Variants in STAG1 observed in about 807,000 individuals in gnomAD.
The protein encoded by STAG1 is STAG1 cohesin complex component, also known as cohesin subunit SA-1.
A neutral mutation model predicts 170.9 loss-of-function variants in STAG1; 26 were observed. The observed-to-expected ratio is 0.15, with a 90% CI of 0.11 to 0.21. The LOEUF (loss-of-function observed/expected upper bound fraction) is 0.21. Ranked by LOEUF, STAG1 falls within the 10% of genes least tolerant of loss-of-function variation. The pLI is 1.00. For missense variants in STAG1, 964 were observed against 1,509.5 expected (o/e 0.64, Z 5.99); for synonymous variants, 514 against 497.7 (o/e 1.03, Z -0.44).
At chr3:136,496,170 A>C (rs1378771012) in intron 9 of STAG1, among the ~76,000 whole-genome samples, 17 of 151,884 alleles carry the variant, frequency 1.1e-4, no homozygotes, top group East Asian at 1.9e-4. Context: ...AAACAAAAAA[A>C]CCCCCAAAAA....
chr3:136,365,865 T>C (rs1937054750), intron 25 of STAG1, among the ~76,000 whole-genome samples: 1 of 151,820 alleles, frequency 6.6e-6, no homozygotes, highest in Admixed American at 6.6e-5. Flanking sequence ...TCTTTTTGGA[T>C]TAAGTAGAGA....
chr3:136,735,864 G>A (rs1934304288), intron 1 of STAG1, among the ~76,000 whole-genome samples: 1 of 152,226 alleles, frequency 6.6e-6, no homozygotes, highest in African/African-American at 2.4e-5. Flanking sequence ...GCTAGGACAT[G>A]GTACTGGGTG....
chr3:136,408,329 T>A (rs552863151), intron 21 of STAG1, among the ~76,000 whole-genome samples: 40 of 152,274 alleles, frequency 2.6e-4, no homozygotes, highest in Middle Eastern at 3.4e-3. Flanking sequence ...AGGTATTTTT[T>A]AAAAAACATT....
intron 21 of STAG1, among the ~76,000 whole-genome samples, chr3:136,413,278 CAA>C (rs1288164886): frequency 1.4e-5 from 2 of 147,652 alleles, no homozygotes; most frequent in African/African-American, 4.9e-5. Flanking sequence ...ATATCGTATA[CAA>C]TATATATCGT....
intron 32 of STAG1, among the ~76,000 whole-genome samples, chr3:136,339,482 C>T (rs1935852248): frequency 6.6e-6 from 1 of 152,178 alleles, no homozygotes; most frequent in Admixed American, 6.5e-5. Context: ...GAGATTGCAG[C>T]ATTGCACTAC....
intron 9 of STAG1, among the ~76,000 whole-genome samples, chr3:136,488,699 T>C (rs2090063953): frequency 6.6e-6 from 1 of 152,198 alleles, no homozygotes; most frequent in Non-Finnish European, 1.5e-5. Flanking sequence ...CTGTGATTCC[T>C]ATTATTATTA....
chr3:136,588,214 G>A (rs894930634), intron 4 of STAG1, among the ~76,000 whole-genome samples: 3 of 152,140 alleles, frequency 2.0e-5, no homozygotes, highest in African/African-American at 7.2e-5. Context: ...CACATGGCTG[G>A]TCTGATGGTA....
In STAG1 at chr3:136,336,416, A is replaced by G. The variant is rs1482427912; in HGVS notation, c.*1838T>C. On this transcript the variant is annotated 3_prime_UTR_variant, in exon 34 of 34. Transcript: ENST00000383202. Reference sequence around the variant, plus strand: ...CTGAACTGGAAACCCATTGGAGTAGATATTTAGCCTTTTTGTGTGGCATGG... The same window carrying G: ...CTGAACTGGAAACCCATTGGAGTAGGTATTTAGCCTTTTTGTGTGGCATGG... 1.3e-5 allele frequency: 2 copies of G among 152,284 alleles called. No individual in the cohort carries two copies. The highest frequency in any genetic ancestry group is 2.9e-5 in the Non-Finnish European group (2 of 68,054). 9.4% of individuals were successfully genotyped at this position (152,284 alleles called of 1,614,324 possible). A position where few individuals can be genotyped will look rare whatever the true frequency, so the allele number is the denominator to read the frequency against.
At position 136,750,875 on chromosome 3, in the gene STAG1, G is replaced by A. The variant is rs192518985; in HGVS notation, c.-84+1320C>T. Among the ~76,000 whole-genome samples the A allele has an allele frequency of 9.2e-5, 14 of 152,216 alleles. 1 individual carries two copies. Among genetic ancestry groups the A allele is most frequent in the Admixed American group, 7.2e-4 (11 of 15,286 alleles). ...CATTATGAATATTAGAACAAGGTAC[G>A]TTACATTACCATACAATAAACAAGT... On this transcript the variant is annotated intron_variant, in intron 1 of 33. Coordinates refer to ENST00000383202, the MANE Select transcript of STAG1 (RefSeq NM_005862.3).
At chr3:136,590,842 T>C (rs1279423303) in intron 4 of STAG1, among the ~76,000 whole-genome samples, 1 of 152,214 alleles carries the variant, frequency 6.6e-6, no homozygotes, top group African/African-American at 2.4e-5. Context: ...TTCTAAAATA[T>C]GTGCCCTGGT....
chr3:136,638,196 A>T (rs1036895416), intron 1 of STAG1, among the ~76,000 whole-genome samples: 1 of 150,682 alleles, frequency 6.6e-6, no homozygotes, highest in Admixed American at 6.6e-5. Context: ...GCGCGATCTC[A>T]GATCTCAGCT....
chr3:136,591,556 G>GA (rs746552079), intron 4 of STAG1: 27,471 of 342,160 alleles, frequency 0.08, no homozygotes, highest in South Asian at 0.13. Flanking sequence ...ATCTCTATTT[G>GA]AAAAAAAAAA....
intron 7 of STAG1, among the ~76,000 whole-genome samples, chr3:136,516,427 G>A (rs1157270171): frequency 3.3e-5 from 5 of 152,100 alleles, no homozygotes; most frequent in Non-Finnish European, 7.4e-5. Flanking sequence ...AGGATCGCTT[G>A]AGCCTGGGAA....
chr3:136,605,220 C>T (rs1938876310), intron 3 of STAG1, among the ~76,000 whole-genome samples: 3 of 152,170 alleles, frequency 2.0e-5, no homozygotes. Flanking sequence ...ATAAACAAAA[C>T]AGACAAACAT....
chr3:136,665,993 T>G (rs1236704930), intron 1 of STAG1, among the ~76,000 whole-genome samples: 1 of 132,260 alleles, frequency 7.6e-6, no homozygotes, highest in Non-Finnish European at 1.5e-5. Flanking sequence ...GAGAATGGCG[T>G]GAATCTGGAA....
chr3:136,668,825 TC>T (rs1271048535), intron 1 of STAG1, among the ~76,000 whole-genome samples: 2 of 152,106 alleles, frequency 1.3e-5, no homozygotes, highest in Non-Finnish European at 2.9e-5. Context: ...CAGCTAACAC[TC>T]CTCAATAGAG....
At chr3:136,500,018 T>C (rs1933385145) in intron 9 of STAG1, 1 of 454,748 alleles carries the variant, frequency 2.2e-6, no homozygotes, top group Non-Finnish European at 4.0e-6. Context: ...GCATATGTTC[T>C]GAATTTGGAA....
chr3:136,386,688 C>G (rs1197957174), intron 22 of STAG1, among the ~76,000 whole-genome samples: 1 of 152,092 alleles, frequency 6.6e-6, no homozygotes, highest in Non-Finnish European at 1.5e-5. Context: ...CACCACTACA[C>G]CTAGCTAATT....
chr3:136,615,458 G>A (rs988670269), intron 3 of STAG1, among the ~76,000 whole-genome samples: 5 of 145,430 alleles, frequency 3.4e-5, no homozygotes, highest in South Asian at 4.3e-4. Context: ...AAAAGGAGTG[G>A]GGGCACTGCC....
Sources: gnomAD v4.1 joint callset for allele counts (sites outside exome capture counted in the v4.1 genomes callset) on GRCh38, gnomAD v4.1.1 for gene constraint, MANE v1.5 for transcripts, NCBI Gene and HGNC (gene_info 2026-07-23, HGNC 2026-07-21) for gene names.